The following ZFAND6 variants were observed in gnomAD, a reference collection of about 807,000 sequenced individuals.
The protein encoded by ZFAND6 is AN1-type zinc finger protein 6.
Under a neutral mutation model 24.5 loss-of-function variants are expected in ZFAND6, and 12 were observed. The observed-to-expected ratio is 0.49, with a 90% confidence interval of 0.31 to 0.79. ZFAND6 has a LOEUF of 0.79. ZFAND6 is among the 30% of genes least tolerant of loss of function. The probability of loss-of-function intolerance (pLI) is 0.04; values close to 1 mark genes in which losing one functional copy is unlikely to be tolerated. For synonymous variants in ZFAND6, 92 were observed against 81.5 expected (o/e 1.13, Z -0.69); for missense variants, 207 against 245.9 (o/e 0.84, Z 1.06).
chr15:80,131,758 G>C (rs1371343152), intron 6 of ZFAND6, among the ~76,000 whole-genome samples: 1 of 152,232 alleles, frequency 6.6e-6, no homozygotes, highest in Non-Finnish European at 1.5e-5. Flanking sequence ...ATAGCTATCA[G>C]ATGCAGATGG....
At chr15:80,067,416 A>G (rs968501435) in intron 1 of ZFAND6, among the ~76,000 whole-genome samples, 2 of 152,108 alleles carry the variant, frequency 1.3e-5, no homozygotes, top group Admixed American at 6.5e-5. Flanking sequence ...ATGCCACAAA[A>G]TAGGTTAGGT....
Position 80,132,009 on chromosome 15 carries a change from A to G in ZFAND6, c.478+716A>G, listed in dbSNP as rs1048010925. Reference sequence around the variant, plus strand: ...TTCAGGCAGAAAGAATAACTTGAAGAAAATGAATAGGGCATGTGCAGGGAC... The same window carrying G: ...TTCAGGCAGAAAGAATAACTTGAAGGAAATGAATAGGGCATGTGCAGGGAC... On this transcript the variant is annotated intron_variant, in intron 6 of 6. Coordinates refer to ENST00000261749, the MANE Select transcript of ZFAND6 (RefSeq NM_019006.4). 1.4e-4 allele frequency among the ~76,000 whole-genome samples: 21 copies of G among 152,358 alleles called. 1 individual carries two copies. In the East Asian group the frequency reaches 2.7e-3, roughly 20 times the overall value.
chr15:80,125,326 C>T (rs1596311217), intron 5 of ZFAND6, among the ~76,000 whole-genome samples: 1 of 152,260 alleles, frequency 6.6e-6, no homozygotes, highest in East Asian at 1.9e-4. Context: ...ACTCCATATG[C>T]TTCCCTCAAG....
intron 2 of ZFAND6, among the ~76,000 whole-genome samples, chr15:80,114,477 A>AG (rs2039772510): frequency 6.6e-6 from 1 of 152,222 alleles, no homozygotes; most frequent in Non-Finnish European, 1.5e-5. Context: ...GTGTTTTAGG[A>AG]GAATTTCAAT....
At chr15:80,089,629 A>G (rs1394221507) in intron 1 of ZFAND6, among the ~76,000 whole-genome samples, 1 of 152,064 alleles carries the variant, frequency 6.6e-6, no homozygotes, top group Non-Finnish European at 1.5e-5. Flanking sequence ...TCTGCCTTCT[A>G]GCTGCTTACC....
At chr15:80,101,253 G>C (rs1567074927) in intron 2 of ZFAND6, among the ~76,000 whole-genome samples, 1 of 152,136 alleles carries the variant, frequency 6.6e-6, no homozygotes, top group Non-Finnish European at 1.5e-5. Flanking sequence ...ACAAGGTCAG[G>C]AGTTCAAGAC....
At chr15:80,135,343 A>G (rs918445244) in intron 6 of ZFAND6, among the ~76,000 whole-genome samples, 4 of 152,196 alleles carry the variant, frequency 2.6e-5, no homozygotes, top group Admixed American at 6.5e-5. Context: ...TAATAGCTCA[A>G]ATTTTGAGGG....
intron 5 of ZFAND6, chr15:80,130,740 A>G (rs2040562118): frequency 6.4e-6 from 1 of 156,748 alleles, no homozygotes; most frequent in Non-Finnish European, 1.4e-5. Context: ...TATTCCACAG[A>G]ATCTTGGTTT....
At chr15:80,107,520 G>A (rs1222474141) in intron 2 of ZFAND6, among the ~76,000 whole-genome samples, 2 of 152,094 alleles carry the variant, frequency 1.3e-5, no homozygotes, top group Non-Finnish European at 2.9e-5. Context: ...CGAATAACAA[G>A]TTCTTGTTAT....
chr15:80,117,973 G>A (rs942397681), intron 2 of ZFAND6, among the ~76,000 whole-genome samples: 1 of 151,684 alleles, frequency 6.6e-6, no homozygotes, highest in Non-Finnish European at 1.5e-5. Context: ...AATCATTGAC[G>A]ACTTAATAAG....
chr15:80,070,241 C>T (rs1323984288), intron 1 of ZFAND6, among the ~76,000 whole-genome samples: 1 of 152,128 alleles, frequency 6.6e-6, no homozygotes, highest in East Asian at 1.9e-4. Context: ...GGCTTGTTCT[C>T]TTCTAAATTG....
chr15:80,102,207 TG>T (rs917495220), intron 2 of ZFAND6, among the ~76,000 whole-genome samples: 54 of 152,158 alleles, frequency 3.5e-4, no homozygotes, highest in African/African-American at 1.2e-3. Flanking sequence ...TGGAGTGCAG[TG>T]GCATGATTCT....
intron 1 of ZFAND6, among the ~76,000 whole-genome samples, chr15:80,074,009 T>C (rs2141827600): frequency 6.6e-6 from 1 of 152,070 alleles, no homozygotes; most frequent in East Asian, 1.9e-4. Flanking sequence ...AATGAACACT[T>C]CACTGGCCAA....
chr15:80,081,000 C>T (rs1408315948), intron 1 of ZFAND6, among the ~76,000 whole-genome samples: 2 of 152,166 alleles, frequency 1.3e-5, no homozygotes, highest in African/African-American at 4.8e-5. Context: ...TACAGTTCAC[C>T]ATGAGATTTG....
At chr15:80,084,352 T>G (rs560072224) in intron 1 of ZFAND6, among the ~76,000 whole-genome samples, 6 of 152,312 alleles carry the variant, frequency 3.9e-5, no homozygotes, top group African/African-American at 1.4e-4. Flanking sequence ...ATTTTCAGAT[T>G]AGGGATGCTC....
intron 1 of ZFAND6, among the ~76,000 whole-genome samples, chr15:80,071,815 T>C (rs536907097): frequency 6.6e-6 from 1 of 152,086 alleles, no homozygotes; most frequent in South Asian, 2.1e-4. Flanking sequence ...CATTAGAACA[T>C]GTGCCTTTTG....
intron 1 of ZFAND6, among the ~76,000 whole-genome samples, chr15:80,098,192 C>T (rs1401623211): frequency 1.3e-5 from 2 of 152,188 alleles, no homozygotes; most frequent in Admixed American, 6.5e-5. Flanking sequence ...GTAATCCTTA[C>T]TCACCTAGTC....
intron 2 of ZFAND6, among the ~76,000 whole-genome samples, chr15:80,102,104 A>G (rs1424271040): frequency 6.6e-6 from 1 of 151,622 alleles, no homozygotes; most frequent in Admixed American, 6.6e-5. Context: ...CCATAAAGTG[A>G]TTTTTAAACA....
chr15:80,099,853 G>A (rs2038941775), intron 2 of ZFAND6, among the ~76,000 whole-genome samples: 1 of 152,132 alleles, frequency 6.6e-6, no homozygotes, highest in African/African-American at 2.4e-5. Flanking sequence ...CTGACCTCCA[G>A]TGATCTGCCT....
Sources: gnomAD v4.1 joint callset for allele counts (sites outside exome capture counted in the v4.1 genomes callset) on GRCh38, gnomAD v4.1.1 for gene constraint, MANE v1.5 for transcripts, NCBI Gene and HGNC (gene_info 2026-07-23, HGNC 2026-07-21) for gene names.